Variants in SLC44A5 observed in about 807,000 individuals in gnomAD.
SLC44A5 encodes the protein solute carrier family 44 member 5, also known as choline transporter-like protein 5.
A neutral mutation model predicts 101.8 loss-of-function variants in SLC44A5; 57 were observed. The observed-to-expected ratio is 0.56, with a 90% confidence interval of 0.45 to 0.70. SLC44A5 has a LOEUF of 0.70. SLC44A5 is among the 30% of genes least tolerant of loss of function. The pLI is 0.00. For synonymous variants in SLC44A5, 281 were observed against 290.9 expected (o/e 0.97, Z 0.35); for missense variants, 737 against 853.1 (o/e 0.86, Z 1.70).
the SLC44A5 span, among the ~76,000 whole-genome samples, chr1:75,709,825 C>A: frequency 3.3e-5 from 5 of 152,020 alleles, no homozygotes; most frequent in East Asian, 7.7e-4. Flanking sequence ...TGTTCTTGTA[C>A]ACAAATGCTT....
the SLC44A5 span, among the ~76,000 whole-genome samples, chr1:75,706,881 T>C: frequency 2.0e-5 from 3 of 152,236 alleles, no homozygotes; most frequent in Admixed American, 6.5e-5. Context: ...TTTCTCATGA[T>C]TGGTAATTTT....
chr1:75,321,341 G>A (rs1276368361), intron 4 of SLC44A5, among the ~76,000 whole-genome samples: 1 of 152,092 alleles, frequency 6.6e-6, no homozygotes, highest in Non-Finnish European at 1.5e-5. Context: ...ATTTATCACA[G>A]TGCTGGAGGC....
At chr1:75,572,381 G>A (rs891402786) in intron 1 of SLC44A5, among the ~76,000 whole-genome samples, 1 of 152,218 alleles carries the variant, frequency 6.6e-6, no homozygotes, top group Non-Finnish European at 1.5e-5. Flanking sequence ...AAGTGTTCAA[G>A]CAGATAATTC....
At position 75,446,718 on chromosome 1, in the gene SLC44A5, T is replaced by C. The variant is rs143562436; in HGVS notation, c.14-50097A>G. On this transcript the variant is annotated intron_variant, in intron 2 of 23. Coordinates refer to ENST00000370859, the MANE Select transcript of SLC44A5 (RefSeq NM_001130058.2). The stretch of plus-strand genomic sequence containing the variant: ...TTGAATGTATTCAAGCCCATTTCAA[T>C]TGGCTTTGGAAATCATGACTAAATT... 2.5e-3 allele frequency among the ~76,000 whole-genome samples: 381 copies of C among 152,142 alleles called. 4 individuals are homozygous for C. Among genetic ancestry groups the C allele is most frequent in the East Asian group, 0.019 (98 of 5,164 alleles).
At chr1:75,385,031 C>T (rs1302221017) in intron 3 of SLC44A5, among the ~76,000 whole-genome samples, 2 of 152,092 alleles carry the variant, frequency 1.3e-5, no homozygotes, top group Non-Finnish European at 2.9e-5. Context: ...CACAACATAC[C>T]AGAATCTCTG....
chr1:75,218,509 C>T lies in SLC44A5; in HGVS notation c.1510G>A (p.Ala504Thr). 1.2e-6 allele frequency: 2 copies of T among 1,613,666 alleles called. No individual in the cohort carries two copies. The highest frequency in any genetic ancestry group is 1.7e-6 in the Non-Finnish European group (2 of 1,179,682). The part of the protein sequence containing the change: ...DDIPRYPLFT[A>T]FGRAIRYHTG... The stretch of plus-strand genomic sequence containing the variant: ...ACTTACCGTATGGCTCGTCCAAATG[C>T]AGTAAAAAGTGGATATCGTGGGATG... Residue 504 changes from alanine to threonine, a missense_variant, in exon 17 of 24, where the codon GCA (alanine) becomes ACA (threonine). This residue lies in a region of SLC44A5 where 665 missense variants were observed against 764.4 expected (regional missense o/e 0.87). Coordinates refer to ENST00000370859, the MANE Select transcript of SLC44A5 (RefSeq NM_001130058.2).
At chr1:75,601,276 C>CA (rs908930968) in intron 1 of SLC44A5, among the ~76,000 whole-genome samples, 1 of 134,690 alleles carries the variant, frequency 7.4e-6, no homozygotes, top group Non-Finnish European at 1.5e-5. Flanking sequence ...AACACAAGAA[C>CA]AAAAAAACAA....
intron 1 of SLC44A5, among the ~76,000 whole-genome samples, chr1:75,569,644 T>C (rs1209735373): frequency 6.6e-6 from 1 of 151,862 alleles, no homozygotes; most frequent in Non-Finnish European, 1.5e-5. Context: ...CTCATTATTC[T>C]ACTCTCCATG....
At chr1:75,569,340 A>T (rs998183798) in intron 1 of SLC44A5, among the ~76,000 whole-genome samples, 1 of 149,210 alleles carries the variant, frequency 6.7e-6, no homozygotes, top group African/African-American at 2.5e-5. Context: ...TCCCAGGCTC[A>T]GGTGATCCTC....
Position 75,238,522 on chromosome 1 carries a change from A to G in SLC44A5, c.647T>C (p.Ile216Thr). The change falls in exon 10 of 24, where the codon ATT becomes ACT. Residue 216 changes from isoleucine (I) to threonine (T), a missense_variant. Physicochemically the swap from Ile to Thr is moderately conservative, Grantham distance 89 (BLOSUM62 -1). Transcript: ENST00000370859. ...ATGTAAACACACATACTTTGCAGCAATCCCGAGTTCTACAACACTTCTTGT... is the reference window on the plus strand; with the variant it reads ...ATGTAAACACACATACTTTGCAGCAGTCCCGAGTTCTACAACACTTCTTGT... ...GGTRSVVELG[I>T]AANGINKLLD... 3 of 1,596,132 alleles carry G rather than the reference A, an allele frequency of 1.9e-6. No individual in the cohort carries two copies. In the South Asian group the frequency reaches 3.4e-5, roughly 18 times the overall value.
intron 1 of SLC44A5, among the ~76,000 whole-genome samples, chr1:75,573,107 G>A (rs1217109743): frequency 2.0e-5 from 2 of 101,564 alleles, no homozygotes; most frequent in Non-Finnish European, 3.5e-5. Context: ...TGAGCTGAGC[G>A]ACAGAGCAAG....
At chr1:75,455,924 T>C (rs1369352161) in intron 2 of SLC44A5, among the ~76,000 whole-genome samples, 1 of 152,172 alleles carries the variant, frequency 6.6e-6, no homozygotes, top group Non-Finnish European at 1.5e-5. Flanking sequence ...TGTAAATTAG[T>C]CCAGCCACTG....
At chr1:75,491,026 T>C (rs1570437349) in intron 2 of SLC44A5, among the ~76,000 whole-genome samples, 2 of 152,164 alleles carry the variant, frequency 1.3e-5, no homozygotes, top group Admixed American at 6.5e-5. Flanking sequence ...TTTTGTGCAG[T>C]ATATACCCTC....
intron 3 of SLC44A5, among the ~76,000 whole-genome samples, chr1:75,364,998 T>C (rs1659758107): frequency 6.6e-6 from 1 of 152,168 alleles, no homozygotes; most frequent in African/African-American, 2.4e-5. Flanking sequence ...TTGGATAATT[T>C]AATCTATTTA....
At chr1:75,540,400 C>A (rs1010021765) in intron 2 of SLC44A5, among the ~76,000 whole-genome samples, 7 of 152,138 alleles carry the variant, frequency 4.6e-5, no homozygotes, top group Non-Finnish European at 1.0e-4. Context: ...AAACAAGAAG[C>A]AATCCACAGT....
At chr1:75,292,739 AC>A (rs1321622637) in intron 5 of SLC44A5, among the ~76,000 whole-genome samples, 1 of 152,328 alleles carries the variant, frequency 6.6e-6, no homozygotes, top group Admixed American at 6.5e-5. Context: ...TTTAAGCCCA[AC>A]TCAGTGTGGA....
intron 6 of SLC44A5, among the ~76,000 whole-genome samples, chr1:75,274,163 G>A (rs1254854948): frequency 6.6e-6 from 1 of 151,596 alleles, no homozygotes; most frequent in Non-Finnish European, 1.5e-5. Context: ...GAAGTCAGGG[G>A]TGTGGTTGCT....
At chr1:75,677,753 G>T in the SLC44A5 span, 1 of 439,494 alleles carries the variant, frequency 2.3e-6, no homozygotes, top group Non-Finnish European at 4.5e-6. Flanking sequence ...ATTTCCAAGG[G>T]AGGAACCAAG....
intron 2 of SLC44A5, among the ~76,000 whole-genome samples, chr1:75,529,933 T>C (rs1312347240): frequency 6.6e-6 from 1 of 152,130 alleles, no homozygotes; most frequent in South Asian, 2.1e-4. Flanking sequence ...TTGAATCAGA[T>C]TTGGAATATT....
Sources: gnomAD v4.1 joint callset for allele counts (sites outside exome capture counted in the v4.1 genomes callset) on GRCh38, gnomAD v4.1.1 for gene constraint, gnomAD v4.1.1 regional missense constraint, MANE v1.5 for transcripts, NCBI Gene and HGNC (gene_info 2026-07-23, HGNC 2026-07-21) for gene names.